Variants in RGS7 observed in about 807,000 individuals in gnomAD.
RGS7 encodes the protein regulator of G protein signaling 7.
In RGS7, 27 loss-of-function variants were observed where a neutral mutation model predicts 81.1. That is an observed-to-expected ratio of 0.33 (90% CI 0.25 to 0.46). The LOEUF (loss-of-function observed/expected upper bound fraction) is 0.46, where lower values mean the gene tolerates loss of function less well. Ranked by LOEUF, RGS7 falls within the 20% of genes least tolerant of loss-of-function variation. RGS7 has a pLI of 1.00. For synonymous variants in RGS7, 208 were observed against 207.7 expected (o/e 1.00, Z -0.01); for missense variants, 396 against 607.4 (o/e 0.65, Z 3.66).
At chr1:240,914,067 C>T (rs1399819165) in intron 6 of RGS7, among the ~76,000 whole-genome samples, 1 of 131,718 alleles carries the variant, frequency 7.6e-6, no homozygotes, top group Admixed American at 8.7e-5. Flanking sequence ...CCCCCCTCCC[C>T]CCACCCCACA....
chr1:240,970,909 G>A (rs1404167009), intron 4 of RGS7, among the ~76,000 whole-genome samples: 2 of 152,086 alleles, frequency 1.3e-5, no homozygotes, highest in African/African-American at 4.8e-5. Context: ...AACCCGGGGG[G>A]CAGAGGTTGC....
intron 3 of RGS7, among the ~76,000 whole-genome samples, chr1:241,005,819 G>A (rs967352418): frequency 1.3e-4 from 20 of 152,302 alleles, no homozygotes; most frequent in South Asian, 6.2e-4. Context: ...ACAGGCGTGA[G>A]CCACCGCGCC....
chr1:240,883,776 C>A (rs369123458), intron 6 of RGS7, among the ~76,000 whole-genome samples: 41 of 152,178 alleles, frequency 2.7e-4, no homozygotes, highest in African/African-American at 8.9e-4. Context: ...GGTTGACAAT[C>A]TTGCTATTTA....
At chr1:241,067,296 G>A (rs2062118434) in intron 3 of RGS7, among the ~76,000 whole-genome samples, 1 of 152,040 alleles carries the variant, frequency 6.6e-6, no homozygotes, top group South Asian at 2.1e-4. Flanking sequence ...CTCCTAGCTT[G>A]ACATTTAGTA....
intron 3 of RGS7, among the ~76,000 whole-genome samples, chr1:241,060,831 G>C (rs75312492): frequency 6.6e-6 from 1 of 152,048 alleles, no homozygotes; most frequent in East Asian, 1.9e-4. Flanking sequence ...AAAGCTTAGC[G>C]TTACAAGAAT....
At chr1:241,103,489 T>C (rs748613404) in intron 2 of RGS7, among the ~76,000 whole-genome samples, 1 of 152,168 alleles carries the variant, frequency 6.6e-6, no homozygotes, top group Non-Finnish European at 1.5e-5. Context: ...AGTCTGGAAA[T>C]AATCATCAGC....
chr1:241,214,117 T>G (rs2074413214), intron 2 of RGS7, among the ~76,000 whole-genome samples: 1 of 152,214 alleles, frequency 6.6e-6, no homozygotes, highest in Non-Finnish European at 1.5e-5. Flanking sequence ...TTTACTTGCC[T>G]CTCCAGTAGA....
chr1:241,089,793 C>T lies in RGS7; in HGVS notation c.175+8873G>A, dbSNP rs2063750185. Among the ~76,000 whole-genome samples, 3 of 151,982 alleles carry T rather than the reference C, an allele frequency of 2.0e-5. No homozygotes were observed. The South Asian group carries it at 6.2e-4, about 32-fold the overall frequency. On this transcript the variant is annotated intron_variant, in intron 3 of 18. Coordinates refer to ENST00000440928, the MANE Select transcript of RGS7 (RefSeq NM_001364886.1). ...GGAAGAGGTGGGCAGATCACGAGGT[C>T]AGGAGATCGAGACCATCCCGGCTAA...
chr1:240,908,183 C>T lies in RGS7; in HGVS notation c.385+22534G>A, dbSNP rs1016205020. On this transcript the variant is annotated intron_variant, in intron 6 of 18. Transcript: ENST00000440928. Reference sequence around the variant, plus strand: ...TGGACACAGGGCGAGGAACATCACACACCGGGGCCTGTCGTGGGGTGGGGG... The same window carrying T: ...TGGACACAGGGCGAGGAACATCACATACCGGGGCCTGTCGTGGGGTGGGGG... 3.1e-5 allele frequency among the ~76,000 whole-genome samples: 4 copies of T among 129,928 alleles called. No individual in the cohort carries two copies. The East Asian group carries it at 8.8e-4, about 29-fold the overall frequency. 85.2% of individuals were successfully genotyped at this position (129,928 alleles called of 152,430 possible). A position where few individuals can be genotyped will look rare whatever the true frequency, so the allele number is the denominator to read the frequency against.
In RGS7 at chr1:240,960,217, C is replaced by CTTTTTTTTTTTT. The variant is rs750366747; in HGVS notation, c.226+22850_226+22861dup. Among the ~76,000 whole-genome samples the CTTTTTTTTTTTT allele has an allele frequency of 5.6e-4, 5 of 8,954 alleles. 1 individual carries two copies. Among genetic ancestry groups the CTTTTTTTTTTTT allele is most frequent in the African/African-American group, 7.5e-4 (2 of 2,660 alleles). The allele number at this position is 8,954 out of a possible 152,430, so 5.9% of individuals were successfully genotyped here. On this transcript the variant is annotated intron_variant, in intron 4 of 18. Transcript: ENST00000440928. ...TTTTCTTCTTCTTCCTCTTCTTCTT[C>CTTTTTTTTTTTT]TTTTTTTTTTTTTTTTTGTTGTTGT...
intron 6 of RGS7, among the ~76,000 whole-genome samples, chr1:240,880,927 G>C (rs1439670812): frequency 6.6e-6 from 1 of 151,994 alleles, no homozygotes; most frequent in Non-Finnish European, 1.5e-5. Context: ...CAGGAAGAGG[G>C]AGGGAAAAAT....
intron 2 of RGS7, among the ~76,000 whole-genome samples, chr1:241,268,155 T>C (rs1434694984): frequency 6.6e-6 from 1 of 152,186 alleles, no homozygotes; most frequent in African/African-American, 2.4e-5. Flanking sequence ...TAGAGGACTT[T>C]TCTGCTTTCT....
intron 4 of RGS7, among the ~76,000 whole-genome samples, chr1:240,973,482 C>G (rs1286694247): frequency 6.6e-6 from 1 of 151,462 alleles, no homozygotes; most frequent in African/African-American, 2.4e-5. Flanking sequence ...TGCACTCTAG[C>G]CTGGGTGACA....
intron 2 of RGS7, among the ~76,000 whole-genome samples, chr1:241,240,226 C>T (rs2076196342): frequency 6.6e-6 from 1 of 152,170 alleles, no homozygotes; most frequent in Non-Finnish European, 1.5e-5. Context: ...CTGATGGACA[C>T]TGACACAGGC....
chr1:240,898,094 TG>T (rs1669388600), intron 6 of RGS7, among the ~76,000 whole-genome samples: 1 of 152,204 alleles, frequency 6.6e-6, no homozygotes, highest in Admixed American at 6.5e-5. Context: ...TATTCTCTGA[TG>T]GTAGTTTGTA....
intron 9 of RGS7, among the ~76,000 whole-genome samples, chr1:240,842,292 G>A (rs369567997): frequency 2.8e-5 from 4 of 143,126 alleles, no homozygotes; most frequent in African/African-American, 5.2e-5. Context: ...CCCGCCTCCC[G>A]GTTTCAAGCG....
intron 2 of RGS7, among the ~76,000 whole-genome samples, chr1:241,242,921 T>C (rs958295581): frequency 6.6e-6 from 1 of 152,252 alleles, no homozygotes; most frequent in African/African-American, 2.4e-5. Context: ...TTTCTCCCAC[T>C]CTGTGGGTTG....
intron 2 of RGS7, among the ~76,000 whole-genome samples, chr1:241,353,991 A>G (rs774385565): frequency 2.0e-5 from 3 of 152,152 alleles, no homozygotes; most frequent in Non-Finnish European, 2.9e-5. Flanking sequence ...ATTTCTAATG[A>G]AGATAACTAT....
intron 6 of RGS7, chr1:240,920,348 T>A (rs1673305029): frequency 6.5e-7 from 1 of 1,534,126 alleles, no homozygotes; most frequent in Non-Finnish European, 8.9e-7. Context: ...GCAGCTGTTG[T>A]GGTGGTGGAT....
Sources: allele counts gnomAD v4.1 joint callset (sites outside exome capture counted in the v4.1 genomes callset), GRCh38; gene constraint gnomAD v4.1.1; transcripts MANE v1.5; gene names NCBI Gene and HGNC (gene_info 2026-07-23, HGNC 2026-07-21).